GTPBP6: variants seen among roughly 807,000 people sequenced by gnomAD.
The protein encoded by GTPBP6 is GTP binding protein 6.
In GTPBP6, 33 loss-of-function variants were observed where a neutral mutation model predicts 28.9. That is an observed-to-expected ratio of 1.14 (90% confidence interval 0.87 to 1.53). The LOEUF (loss-of-function observed/expected upper bound fraction) is 1.53. GTPBP6 is among the 40% of genes most tolerant of loss of function. GTPBP6 has a pLI of 0.00. For synonymous variants in GTPBP6, 231 were observed against 192.7 expected (o/e 1.20, Z -1.65); for missense variants, 507 against 408.3 (o/e 1.24, Z -2.08).
chrX:313,417 C>T (rs766191915), intron 5 of GTPBP6, among the ~76,000 whole-genome samples: 11 of 151,968 alleles, frequency 7.2e-5, no homozygotes, highest in South Asian at 2.1e-4. Flanking sequence ...AAGCCTGGGA[C>T]GCCTGGAGCC....
intron 6 of GTPBP6, chrX:312,039 G>C: frequency 2.1e-6 from 1 of 466,204 alleles, no homozygotes; most frequent in Non-Finnish European, 4.2e-6. Flanking sequence ...TACGGCAGTG[G>C]TGCCGGTGTT....
chrX:307,631 T>C, intron 8 of GTPBP6, 101 bp downstream of exon 8: 1 of 1,420,500 alleles, frequency 7.0e-7, no homozygotes, highest in South Asian at 1.4e-5. Context: ...GTGTCCTGAC[T>C]GCCACCGCTG....
At chrX:304,930 C>G in exon 10 of GTPBP6, 1 of 1,463,888 alleles carries the variant, frequency 6.8e-7, no homozygotes, top group Non-Finnish European at 9.1e-7. Context: ...GTCATCCCAG[C>G]AAATGGCTGG....
intron 1 of GTPBP6, among the ~76,000 whole-genome samples, chrX:317,569 T>TGGGGGTGGG (rs1187572118): frequency 8.5e-6 from 1 of 117,546 alleles, no homozygotes; most frequent in African/African-American, 3.2e-5. Context: ...GGGTGGGGGG[T>TGGGGGTGGG]GGGACTAGAC....
exon 4 of GTPBP6, chrX:315,007 G>A: frequency 5.0e-6 from 2 of 398,682 alleles, no homozygotes; most frequent in East Asian, 3.6e-5. Context: ...GCCCCAGGCG[G>A]CTTCCAGTTC....
intron 7 of GTPBP6, among the ~76,000 whole-genome samples, chrX:310,979 G>C (rs1019417822): frequency 6.6e-6 from 1 of 152,016 alleles, no homozygotes; most frequent in African/African-American, 2.4e-5. Context: ...AGGTGCACCC[G>C]GGAACACGCT....
At chrX:308,513 T>A (rs891141616) in intron 7 of GTPBP6, among the ~76,000 whole-genome samples, 4 of 152,014 alleles carry the variant, frequency 2.6e-5, no homozygotes, top group African/African-American at 9.7e-5. Flanking sequence ...AGGCCGTTTC[T>A]ACAGAAAGTA....
intron 2 of GTPBP6, among the ~76,000 whole-genome samples, 170 bp downstream of exon 2, chrX:316,744 T>C (rs1481515986): frequency 1.3e-5 from 2 of 152,000 alleles, no homozygotes; most frequent in Non-Finnish European, 2.9e-5. Flanking sequence ...AGCCTCACCG[T>C]CCTCCGACTC....
In GTPBP6 at chrX:312,662, G is replaced by A. The variant is rs184538417; in HGVS notation, c.916+104C>T. ...TGGGCACGTGCTCACCGCAGCTGTC[G>A]TACGGCACCACTGAGACGACAGGGA... On this transcript the variant is annotated intron_variant, in intron 6 of 9. Coordinates refer to ENST00000326153, the Ensembl canonical transcript of GTPBP6. 5,339 of 1,207,626 alleles carry A rather than the reference G, an allele frequency of 4.4e-3. 179 individuals are homozygous for A. In the African/African-American group the frequency reaches 0.071, roughly 16 times the overall value. The allele number at this position is 1,207,626 out of a possible 1,614,324, so 74.8% of individuals were successfully genotyped here. A position where few individuals can be genotyped will look rare whatever the true frequency, so the allele number is the denominator to read the frequency against.
chrX:317,196 G>A (rs1226151531), intron 1 of GTPBP6, 145 bp from the exon 2 acceptor site: 3 of 397,476 alleles, frequency 7.5e-6, no homozygotes, highest in East Asian at 3.6e-5. Flanking sequence ...ATATGACTTC[G>A]TCCCCCCAGG....
At chrX:313,804 G>A (rs1279701451) in intron 5 of GTPBP6, among the ~76,000 whole-genome samples, 10 of 152,144 alleles carry the variant, frequency 6.6e-5, no homozygotes, top group South Asian at 6.2e-4. Flanking sequence ...TGGAGGGAGC[G>A]CAGCCCTGTC....
intron 7 of GTPBP6, among the ~76,000 whole-genome samples, 156 bp from the exon 8 acceptor site, chrX:308,036 G>A (rs1414655832): frequency 2.0e-5 from 3 of 152,096 alleles, no homozygotes; most frequent in East Asian, 1.9e-4. Context: ...CCCCAGGACG[G>A]GGGCTCCTAG....
At chrX:314,798 C>T (rs1324244871) in intron 4 of GTPBP6, 92 bp downstream of exon 4, 19 of 409,740 alleles carry the variant, frequency 4.6e-5, no homozygotes, top group East Asian at 1.0e-4. Flanking sequence ...TTCTTCCTCA[C>T]GCACCCCCAG....
chrX:313,433 G>C (rs1455662722), intron 5 of GTPBP6, among the ~76,000 whole-genome samples: 1 of 152,118 alleles, frequency 6.6e-6, no homozygotes, highest in East Asian at 1.9e-4. Context: ...GAGCCCCCAG[G>C]AGCTGGGAGA....
exon 2 of GTPBP6, chrX:316,981 C>T (rs1314895682): frequency 4.5e-5 from 18 of 398,614 alleles, no homozygotes; most frequent in Non-Finnish European, 6.6e-5. Context: ...TGGACACGAC[C>T]ATTGTCTGCA....
exon 4 of GTPBP6, chrX:314,954 G>A (rs1322528725): frequency 4.8e-5 from 19 of 398,730 alleles, no homozygotes; most frequent in African/African-American, 1.4e-4. Flanking sequence ...GCGTTACAGC[G>A]GAAGATGTGC....
At chrX:314,313 C>T (rs1267034717) in intron 4 of GTPBP6, 96 bp from the exon 5 acceptor site, 6 of 1,034,182 alleles carry the variant, frequency 5.8e-6, no homozygotes, top group Non-Finnish European at 9.1e-6. Flanking sequence ...AGCTGGGCCT[C>T]TGGGCCGAAG....
At chrX:315,160 C>A (rs1312221984) in intron 3 of GTPBP6, 69 bp downstream of exon 3, 3 of 359,548 alleles carry the variant, frequency 8.3e-6, no homozygotes, top group African/African-American at 2.2e-5. Context: ...CCTGGCCGGA[C>A]GCCGTGGCGT....
chrX:318,619 G>A (rs2070484112), exon 1 of GTPBP6: 2 of 397,166 alleles, frequency 5.0e-6, no homozygotes, highest in Non-Finnish European at 8.9e-6. Flanking sequence ...TCCGCCCGCA[G>A]GCCCCGCCCT....
Sources: allele counts gnomAD v4.1 joint callset (sites outside exome capture counted in the v4.1 genomes callset), GRCh38; gene constraint gnomAD v4.1.1; transcripts MANE v1.5; gene names NCBI Gene and HGNC (gene_info 2026-07-23, HGNC 2026-07-21).